FBXL19: variants seen among roughly 807,000 people sequenced by gnomAD.
The protein encoded by FBXL19 is F-box/LRR-repeat protein 19.
A neutral mutation model predicts 71.2 loss-of-function variants in FBXL19; 16 were observed. The observed-to-expected ratio is 0.22, with a 90% CI of 0.15 to 0.34. The LOEUF is 0.34. Ranked by LOEUF, FBXL19 falls within the 10% of genes least tolerant of loss-of-function variation. The pLI, the probability that FBXL19 is intolerant of heterozygous loss-of-function variation, is 1.00. For synonymous variants in FBXL19, 447 were observed against 409.4 expected, an observed-to-expected ratio of 1.09 and a Z score of -1.11; for missense variants, 658 against 968.2, an observed-to-expected ratio of 0.68 and a Z score of 4.25.
At position 30,928,393 on chromosome 16, in the gene FBXL19, G is replaced by C. The variant is rs1319386706; in HGVS notation, c.628-74G>C. ...ACTTGTAGTCTAAGAGGAGGGCATG[G>C]ACCTTAGATTTCTGGCCCATGAGGG... is the stretch of plus-strand genomic sequence containing the variant. On this transcript the variant is annotated intron_variant, in intron 5 of 10. Coordinates refer to ENST00000338343, the MANE Select transcript of FBXL19 (RefSeq NM_001382779.1). The C allele has an allele frequency of 2.8e-6, 4 of 1,410,542 alleles. No homozygotes were observed. In the African/African-American group the frequency reaches 5.9e-5, roughly 21 times the overall value. 87.4% of individuals were successfully genotyped at this position (1,410,542 alleles called of 1,614,324 possible). A position where few individuals can be genotyped will look rare whatever the true frequency, so the allele number is the denominator to read the frequency against.
Position 30,942,607 on chromosome 16 carries a change from T to C in FBXL19, c.1627+71T>C. On this transcript the variant is annotated intron_variant, in intron 9 of 10. Transcript: ENST00000338343. This position sits in a 1 kb window ranked among gnomAD's most constrained non-coding sequence, Gnocchi z 5.7. ...AGGGTAGGAGGCCTCTCAGGTCTCT[T>C]CTGACTCATGCTGGATGGTAAAGTA... 6.8e-7 allele frequency: 1 copy of C among 1,463,296 alleles called. No individual in the cohort carries two copies. The allele number at this position is 1,463,296 out of a possible 1,614,324, so 90.6% of individuals were successfully genotyped here.
At chr16:30,927,167 A>G in intron 2 of FBXL19, 141 bp from the exon 3 acceptor site, 1 of 823,094 alleles carries the variant, frequency 1.2e-6, no homozygotes, top group South Asian at 2.0e-5. Flanking sequence ...CACACTCCCA[A>G]AAGGAGCAAA....
intron 7 of FBXL19, among the ~76,000 whole-genome samples, chr16:30,938,324 G>A (rs866384403): frequency 1.3e-5 from 2 of 151,998 alleles, no homozygotes; most frequent in Admixed American, 6.5e-5. Flanking sequence ...AGACAAGCTT[G>A]GGCAACATAG....
At chr16:30,941,157 A>G (rs2055798131) in intron 7 of FBXL19, among the ~76,000 whole-genome samples, 1 of 152,144 alleles carries the variant, frequency 6.6e-6, no homozygotes, top group African/African-American at 2.4e-5. Flanking sequence ...GGAAGCTTTA[A>G]GTAGTTACTA....
Position 30,930,325 on chromosome 16 carries a change from G to T in FBXL19, c.1042G>T (p.Gly348Trp), listed in dbSNP as rs769425331. 1 of 1,601,744 alleles carries T rather than the reference G, an allele frequency of 6.2e-7. No homozygotes were observed. Among genetic ancestry groups the T allele is most frequent in the South Asian group, 1.1e-5 (1 of 90,582 alleles). The stretch of plus-strand genomic sequence containing the variant: ...CAGCTCTGGCGAGAAGGAGAACCGT[G>T]GGGGGCGGCGGGCTGTGCGCCCTGG... The part of the protein sequence containing the change: ...RGSSGEKENR[G>W]GRRAVRPGSG... Residue 348 changes from glycine (G) to tryptophan (W), a missense_variant, in exon 7 of 11, where the codon GGG becomes TGG. By Grantham distance (184) the Gly-to-Trp change is radical (BLOSUM62 -2). Transcript: ENST00000338343. This position sits in a 1 kb window ranked among gnomAD's most constrained non-coding sequence, Gnocchi z 8.5.
chr16:30,924,507 C>T, intron 1 of FBXL19, 48 bp downstream of exon 1: 2 of 802,910 alleles, frequency 2.5e-6, no homozygotes, highest in Non-Finnish European at 3.5e-6. Flanking sequence ...GCAGCGCCCA[C>T]TCCCATTCAT....
rs116423389 is a variant in FBXL19 at position 30,947,359 on chromosome 16, C to G, written c.*129C>G. ...CCTGAGTGTCAGTGACTTGGGATTC[C>G]CACCCAGGGACTCAAGCCAGCCACC... On this transcript the variant is annotated 3_prime_UTR_variant, in exon 11 of 11. Transcript: ENST00000338343. 2,646 of 772,540 alleles carry G rather than the reference C, an allele frequency of 3.4e-3. 49 individuals carry two copies. In the African/African-American group the frequency reaches 0.04, roughly 12 times the overall value. 47.9% of individuals were successfully genotyped at this position (772,540 alleles called of 1,614,324 possible). A position where few individuals can be genotyped will look rare whatever the true frequency, so the allele number is the denominator to read the frequency against.
intron 2 of FBXL19, 73 bp from the exon 3 acceptor site, chr16:30,927,235 G>T: frequency 1.4e-6 from 2 of 1,454,286 alleles, no homozygotes; most frequent in South Asian, 1.4e-5. Flanking sequence ...CACCTGGCCA[G>T]GGTCCCTAGA....
rs1380681669 is a variant in FBXL19 at position 30,928,516 on chromosome 16, G to A, written c.677G>A (p.Cys226Tyr). The change falls in exon 6 of 11, where the codon TGC (cysteine) becomes TAC (tyrosine). Residue 226 changes from cysteine (C) to tyrosine (Y), a missense_variant. Transcript: ENST00000338343. ...RHLKKVGGDA[C>Y]LLRGSDPGGP... Reference sequence around the variant, plus strand: ...CTGAAGAAGGTGGGTGGAGACGCCTGCCTCCTCCGAGGATCGGACCCAGGC... The same window carrying A: ...CTGAAGAAGGTGGGTGGAGACGCCTACCTCCTCCGAGGATCGGACCCAGGC... The A allele has an allele frequency of 2.5e-6, 4 of 1,606,702 alleles. No individual in the cohort carries two copies. The highest frequency in any genetic ancestry group is 1.3e-5 in the African/African-American group (1 of 74,402).
intron 7 of FBXL19, among the ~76,000 whole-genome samples, chr16:30,936,082 C>T (rs2055729397): frequency 1.3e-5 from 2 of 152,188 alleles, no homozygotes; most frequent in South Asian, 4.1e-4. Flanking sequence ...GTCACAGCAA[C>T]CTCTGAAGGA....
Position 30,928,585 on chromosome 16 carries a change from C to T in FBXL19, c.746C>T (p.Ala249Val), listed in dbSNP as rs1461802297. Residue 249 changes from alanine to valine, a missense_variant, in exon 6 of 11, where the codon GCT (alanine) becomes GTT (valine). By Grantham distance (64) the Ala-to-Val change is moderately conservative (BLOSUM62 0). Transcript: ENST00000338343. ...LPPRVLNPSQ[A>V]FSSCHPGLPP... The stretch of plus-strand genomic sequence containing the variant: ...CCCAGGGTTCTGAATCCGAGCCAGG[C>T]TTTCTCATCCTGCCACCCTGGGCTC... 3.1e-6 allele frequency: 5 copies of T among 1,604,752 alleles called. No homozygotes were observed. Among genetic ancestry groups the T allele is most frequent in the Non-Finnish European group, 3.4e-6 (4 of 1,175,842 alleles).
At chr16:30,940,161 G>A (rs2055785459) in intron 7 of FBXL19, among the ~76,000 whole-genome samples, 1 of 152,100 alleles carries the variant, frequency 6.6e-6, no homozygotes, top group Non-Finnish European at 1.5e-5. Flanking sequence ...TGGAGGCTGA[G>A]GCGGGAGAAT....
upstream of FBXL19, chr16:30,922,959 C>A (rs2055539519): frequency 2.3e-6 from 1 of 429,528 alleles, no homozygotes; most frequent in Non-Finnish European, 4.8e-6. Context: ...CTCCTGGTTC[C>A]GCCATTCTTA....
chr16:30,935,263 G>A (rs1253463993), intron 7 of FBXL19, among the ~76,000 whole-genome samples: 3 of 152,172 alleles, frequency 2.0e-5, no homozygotes, highest in African/African-American at 4.8e-5. Context: ...GGCGGACAGT[G>A]GGCAGTGAGA....
At chr16:30,935,072 G>A (rs746505189) in intron 7 of FBXL19, among the ~76,000 whole-genome samples, 1 of 152,200 alleles carries the variant, frequency 6.6e-6, no homozygotes, top group Non-Finnish European at 1.5e-5. Context: ...GTGAGAGGCC[G>A]TGGGAGATCA....
At chr16:30,947,011 TGCTCACCTG>T in intron 10 of FBXL19, 32 bp from the exon 11 acceptor site, 1 of 1,576,698 alleles carries the variant, frequency 6.3e-7, no homozygotes, top group Admixed American at 1.8e-5. Context: ...GCCAACCCCT[TGCTCACCTG>T]CCTGGTCTCA....
chr16:30,942,065 G>A lies in FBXL19; in HGVS notation c.1302-51G>A. On this transcript the variant is annotated intron_variant, in intron 7 of 10. Transcript: ENST00000338343. This position sits in a 1 kb window ranked among gnomAD's most constrained non-coding sequence, Gnocchi z 5.7. Reference sequence around the variant, plus strand: ...GAGCTGGGGAGCCTGGGAACTGTGGGCTGCTGAGAGCTGAGGGCTGAGGTC... The same window carrying A: ...GAGCTGGGGAGCCTGGGAACTGTGGACTGCTGAGAGCTGAGGGCTGAGGTC... The A allele has an allele frequency of 1.4e-6, 2 of 1,472,280 alleles. No individual in the cohort carries two copies. Among genetic ancestry groups the A allele is most frequent in the Middle Eastern group, 2.1e-4 (1 of 4,696 alleles). The allele number at this position is 1,472,280 out of a possible 1,614,324, so 91.2% of individuals were successfully genotyped here.
chr16:30,925,089 C>T lies in FBXL19; in HGVS notation c.-25+630C>T, dbSNP rs1236482777. Among the ~76,000 whole-genome samples, 2 of 152,154 alleles carry T rather than the reference C, an allele frequency of 1.3e-5. No individual in the cohort carries two copies. Among genetic ancestry groups the T allele is most frequent in the African/African-American group, 4.8e-5 (2 of 41,430 alleles). On this transcript the variant is annotated intron_variant, in intron 1 of 10. Coordinates refer to ENST00000338343, the MANE Select transcript of FBXL19 (RefSeq NM_001382779.1). This position sits in a 1 kb window ranked among gnomAD's most constrained non-coding sequence, Gnocchi z 5.0. Reference sequence around the variant, plus strand: ...GAGAAGGGTCTCTGAAGAAGCATCTCCAGGGCTGTCAGAGCTCTGGGGAGT... The same window carrying T: ...GAGAAGGGTCTCTGAAGAAGCATCTTCAGGGCTGTCAGAGCTCTGGGGAGT...
intron 7 of FBXL19, among the ~76,000 whole-genome samples, chr16:30,936,601 C>CTTT (rs547272418): frequency 1.8e-4 from 21 of 118,170 alleles, no homozygotes; most frequent in Middle Eastern, 4.3e-3. Flanking sequence ...AATTTTTTTT[C>CTTT]TTTTTTTTTT....
Sources: allele counts gnomAD v4.1 joint callset (sites outside exome capture counted in the v4.1 genomes callset), GRCh38; gene constraint gnomAD v4.1.1; non-coding constraint Gnocchi (gnomAD v3.1); transcripts MANE v1.5; gene names NCBI Gene and HGNC (gene_info 2026-07-23, HGNC 2026-07-21).